Variants in RBKS observed in about 807,000 individuals in gnomAD.
The protein encoded by RBKS is ribokinase.
In RBKS, 33 loss-of-function variants were observed where a neutral mutation model predicts 33.9. The ratio of observed to expected loss-of-function variants is 0.97; its 90% CI spans 0.74 to 1.30. The LOEUF (loss-of-function observed/expected upper bound fraction) is 1.30. RBKS is among the 50% of genes most tolerant of loss of function. The pLI, the probability that RBKS is intolerant of heterozygous loss-of-function variation, is 0.00. For missense variants in RBKS, 361 were observed against 392.6 expected (o/e 0.92, Z 0.68); for synonymous variants, 125 against 143.0 (o/e 0.87, Z 0.90).
intron 7 of RBKS, among the ~76,000 whole-genome samples, chr2:27,788,716 A>G (rs1404416390): frequency 1.3e-5 from 2 of 152,204 alleles, no homozygotes; most frequent in African/African-American, 2.4e-5. Context: ...TTCTATTTCT[A>G]TATGTTAGCA....
chr2:27,810,264 G>C lies in RBKS; in HGVS notation c.795+17303C>G, dbSNP rs181460715. Among the ~76,000 whole-genome samples the C allele has an allele frequency of 9.8e-5, 15 of 152,322 alleles. No homozygotes were observed. Among genetic ancestry groups the C allele is most frequent in the Middle Eastern group, 3.4e-3 (1 of 294 alleles). On this transcript the variant is annotated intron_variant, in intron 7 of 7. Transcript: ENST00000302188. The surrounding 1 kb of genome is among the most constrained non-coding windows in gnomAD (Gnocchi z 4.4). ...CTGTGTTTCTACCAGGAATAAGCTA[G>C]TGTCTAAGGCACAGGTGGTAGGGCA...
chr2:27,870,589 G>A, intron 1 of RBKS: 2 of 361,672 alleles, frequency 5.5e-6, no homozygotes, highest in South Asian at 2.0e-5. Context: ...CTTTAACGTG[G>A]TTGATAATTT....
At position 27,810,029 on chromosome 2, in the gene RBKS, C is replaced by T; in HGVS notation, c.795+17538G>A. The T allele has an allele frequency of 7.7e-7, 1 of 1,304,248 alleles. No individual in the cohort carries two copies. The highest frequency in any genetic ancestry group is 1.0e-6 in the Non-Finnish European group (1 of 988,956). 80.8% of individuals were successfully genotyped at this position (1,304,248 alleles called of 1,614,324 possible). A position where few individuals can be genotyped will look rare whatever the true frequency, so the allele number is the denominator to read the frequency against. Reference sequence around the variant, plus strand: ...CACACTTGCTGCTTCACTCTTGGGTCTTGAGCCAGGTCTACACTGTGAAAA... The same window carrying T: ...CACACTTGCTGCTTCACTCTTGGGTTTTGAGCCAGGTCTACACTGTGAAAA... On this transcript the variant is annotated intron_variant, in intron 7 of 7. Transcript: ENST00000302188. This position sits in a 1 kb window ranked among gnomAD's most constrained non-coding sequence, Gnocchi z 4.4.
chr2:27,890,245 C>A lies in RBKS; in HGVS notation c.89+12G>T. On this transcript the variant is annotated intron_variant, in intron 1 of 7. Transcript: ENST00000302188. The surrounding 1 kb of genome is among the most constrained non-coding windows in gnomAD (Gnocchi z 4.8). ...CCCGAGCCGCAGACTGAGTAACTGG[C>A]CCCGGACTAACCTGACCAGGTCGGT... The A allele has an allele frequency of 6.2e-7, 1 of 1,612,542 alleles. No homozygotes were observed. Among genetic ancestry groups the A allele is most frequent in the Non-Finnish European group, 8.5e-7 (1 of 1,179,392 alleles).
intron 7 of RBKS, among the ~76,000 whole-genome samples, chr2:27,811,682 T>C (rs1677987643): frequency 1.3e-5 from 2 of 152,186 alleles, no homozygotes; most frequent in African/African-American, 2.4e-5. Flanking sequence ...ACAGAAGCCT[T>C]ATTACTATTA....
At chr2:27,804,283 TAC>T (rs1347649251) in intron 7 of RBKS, among the ~76,000 whole-genome samples, 1 of 152,184 alleles carries the variant, frequency 6.6e-6, no homozygotes, top group Non-Finnish European at 1.5e-5. Flanking sequence ...TCAGTATAGT[TAC>T]AGAGTTGAGC....
chr2:27,811,177 AC>A (rs1298707358), intron 7 of RBKS, among the ~76,000 whole-genome samples: 5 of 151,784 alleles, frequency 3.3e-5, no homozygotes, highest in Non-Finnish European at 7.4e-5. Context: ...TCCTTCCCTT[AC>A]CCTCTCAAAC....
At chr2:27,804,792 C>T (rs1677864362) in intron 7 of RBKS, among the ~76,000 whole-genome samples, 2 of 152,174 alleles carry the variant, frequency 1.3e-5, no homozygotes, top group African/African-American at 4.8e-5. Context: ...AGCCTGTAAA[C>T]TCAGCACTTT....
At chr2:27,846,735 G>A (rs1326635659) in intron 4 of RBKS, among the ~76,000 whole-genome samples, 2 of 152,142 alleles carry the variant, frequency 1.3e-5, no homozygotes, top group African/African-American at 4.8e-5. Flanking sequence ...AGAGACAAAT[G>A]TCAATTATAA....
chr2:27,805,375 T>G (rs780258685), intron 7 of RBKS, among the ~76,000 whole-genome samples: 3 of 152,118 alleles, frequency 2.0e-5, no homozygotes, highest in Non-Finnish European at 4.4e-5. Flanking sequence ...GCTTCCTCCT[T>G]GAAGGTCCAG....
chr2:27,878,859 C>T (rs546668590), intron 1 of RBKS, among the ~76,000 whole-genome samples: 2 of 152,254 alleles, frequency 1.3e-5, no homozygotes, highest in East Asian at 1.9e-4. Flanking sequence ...ATATCCTTTG[C>T]CCACTTTTTG....
At chr2:27,830,980 C>T (rs951733663) in intron 6 of RBKS, among the ~76,000 whole-genome samples, 2 of 152,166 alleles carry the variant, frequency 1.3e-5, no homozygotes, top group Admixed American at 1.3e-4. Context: ...GCCATGTTTA[C>T]ATGTTCTGGC....
intron 7 of RBKS, among the ~76,000 whole-genome samples, chr2:27,792,609 C>A (rs905540335): frequency 1.5e-4 from 23 of 152,150 alleles, no homozygotes; most frequent in Admixed American, 1.4e-3. Context: ...GTCGTTTCTT[C>A]ATTTATTTTT....
chr2:27,870,940 T>C (rs1664197882), intron 1 of RBKS: 1 of 456,224 alleles, frequency 2.2e-6, no homozygotes, highest in Admixed American at 2.4e-5. Context: ...TCAACATCGG[T>C]AGACTCATCA....
At chr2:27,869,757 G>A (rs559759880) in intron 1 of RBKS, 103 of 178,598 alleles carry the variant, frequency 5.8e-4, no homozygotes, top group Middle Eastern at 4.9e-3. Context: ...TGGGGGTGAC[G>A]GGAGACAGTG....
chr2:27,812,409 C>T (rs1007460901), intron 7 of RBKS, among the ~76,000 whole-genome samples: 1 of 152,186 alleles, frequency 6.6e-6, no homozygotes, highest in African/African-American at 2.4e-5. Context: ...CACATGCACA[C>T]GTATGTTTAT....
intron 1 of RBKS, among the ~76,000 whole-genome samples, chr2:27,880,858 T>C (rs540838879): frequency 6.6e-6 from 1 of 152,238 alleles, no homozygotes; most frequent in South Asian, 2.1e-4. Flanking sequence ...AATTTACAGA[T>C]TCAATGCTAT....
chr2:27,809,978 G>A (rs1296363935), intron 7 of RBKS: 1 of 1,304,152 alleles, frequency 7.7e-7, no homozygotes, highest in South Asian at 1.2e-5. Flanking sequence ...GGATTCTCTG[G>A]GTTATTTATA....
intron 7 of RBKS, 30 bp downstream of exon 7, chr2:27,827,537 T>C: frequency 1.3e-6 from 2 of 1,517,520 alleles, no homozygotes; most frequent in Non-Finnish European, 1.8e-6. Context: ...TTTCAAAGGC[T>C]AAACATGATT....
Sources: allele counts gnomAD v4.1 joint callset (sites outside exome capture counted in the v4.1 genomes callset), GRCh38; gene constraint gnomAD v4.1.1; non-coding constraint Gnocchi (gnomAD v3.1); transcripts MANE v1.5; gene names NCBI Gene and HGNC (gene_info 2026-07-23, HGNC 2026-07-21).